ATG10: variants seen among roughly 807,000 people sequenced by gnomAD.
ATG10 encodes autophagy related 10, also known as ubiquitin-like-conjugating enzyme ATG10.
In ATG10, 30 loss-of-function variants were observed where a neutral mutation model predicts 32.1. The observed-to-expected ratio is 0.94, with a 90% CI of 0.70 to 1.27. The LOEUF is 1.27. ATG10 is among the 50% of genes most tolerant of loss of function. ATG10 has a pLI of 0.00. For synonymous variants in ATG10, 87 were observed against 91.5 expected, an observed-to-expected ratio of 0.95 and a Z score of 0.28; for missense variants, 233 against 262.3, an observed-to-expected ratio of 0.89 and a Z score of 0.77.
intron 5 of ATG10, among the ~76,000 whole-genome samples, chr5:82,233,442 C>T (rs73768648): frequency 0.024 from 3,596 of 152,236 alleles, 131 homozygotes; most frequent in African/African-American, 0.081. Flanking sequence ...ATTGTTCCTT[C>T]GTTTATATTA....
chr5:82,231,767 T>G (rs905018986), intron 5 of ATG10, among the ~76,000 whole-genome samples: 3 of 152,148 alleles, frequency 2.0e-5, no homozygotes, highest in African/African-American at 7.2e-5. Context: ...GGAAATCTGC[T>G]TCTGGGTATA....
intron 2 of ATG10, among the ~76,000 whole-genome samples, chr5:82,007,521 C>T (rs531946424): frequency 3.3e-5 from 5 of 152,252 alleles, no homozygotes; most frequent in East Asian, 3.9e-4. Flanking sequence ...AGTGCAATTT[C>T]GGTTCACTGC....
chr5:82,026,473 T>C (rs954175808), intron 2 of ATG10, among the ~76,000 whole-genome samples: 21 of 152,208 alleles, frequency 1.4e-4, no homozygotes, highest in African/African-American at 5.1e-4. Context: ...TTTCCTATTA[T>C]TATTTTATAG....
At chr5:82,234,877 C>T (rs1441891621) in intron 5 of ATG10, among the ~76,000 whole-genome samples, 1 of 152,180 alleles carries the variant, frequency 6.6e-6, no homozygotes, top group Non-Finnish European at 1.5e-5. Flanking sequence ...TTCCTGCATT[C>T]TTTTTTGACA....
At position 82,242,870 on chromosome 5, in the gene ATG10, A is replaced by G. The variant is rs774887564; in HGVS notation, c.454-9692A>G. 7 of 447,388 alleles carry G rather than the reference A, an allele frequency of 1.6e-5. 1 individual carries two copies. The highest frequency in any genetic ancestry group is 1.1e-4 in the South Asian group (7 of 61,950). 27.7% of individuals were successfully genotyped at this position (447,388 alleles called of 1,614,324 possible). A position where few individuals can be genotyped will look rare whatever the true frequency, so the allele number is the denominator to read the frequency against. On this transcript the variant is annotated intron_variant, in intron 5 of 7. Coordinates refer to ENST00000282185, the MANE Select transcript of ATG10 (RefSeq NM_031482.5). ...ATTATCCCAGAATGAATGCTGACAC[A>G]TAGGGAAAAATGGTAAGCAAAAAGA...
chr5:82,056,429 G>GTTTT lies in ATG10; in HGVS notation c.109-2049_109-2046dup, dbSNP rs375167558. On this transcript the variant is annotated intron_variant, in intron 2 of 7. Coordinates refer to ENST00000282185, the MANE Select transcript of ATG10 (RefSeq NM_031482.5). ...CGTTTAATTACATGATGGCTGCCAG[G>GTTTT]TTTTTTTTTTTTTTTTTTTTGTGGT... Among the ~76,000 whole-genome samples, 48 of 125,382 alleles carry GTTTT rather than the reference G, an allele frequency of 3.8e-4. 1 individual carries two copies. Among genetic ancestry groups the GTTTT allele is most frequent in the African/African-American group, 4.2e-4 (14 of 33,308 alleles). 82.3% of individuals were successfully genotyped at this position (125,382 alleles called of 152,430 possible).
intron 5 of ATG10, among the ~76,000 whole-genome samples, chr5:82,188,391 T>C (rs887504810): frequency 3.3e-5 from 5 of 152,200 alleles, no homozygotes; most frequent in African/African-American, 1.2e-4. Context: ...CAGCATTTCA[T>C]TGATCCCTGG....
chr5:82,036,156 T>A (rs1400109479), intron 2 of ATG10, among the ~76,000 whole-genome samples: 2 of 152,172 alleles, frequency 1.3e-5, no homozygotes, highest in Non-Finnish European at 2.9e-5. Flanking sequence ...TCATACTGAT[T>A]ACTGACCCAT....
At position 82,194,449 on chromosome 5, in the gene ATG10, T is replaced by G. The variant is rs979132964; in HGVS notation, c.453+15862T>G. Among the ~76,000 whole-genome samples, 5 of 152,300 alleles carry G rather than the reference T, an allele frequency of 3.3e-5. No individual in the cohort carries two copies. The East Asian group carries it at 5.8e-4, about 18-fold the overall frequency. On this transcript the variant is annotated intron_variant, in intron 5 of 7. Transcript: ENST00000282185. ...GACTTGGGTTTGGACAAAGGGAATTTTAGTATTAAGATATGAACTTAAATA... is the reference window on the plus strand; with the variant it reads ...GACTTGGGTTTGGACAAAGGGAATTGTAGTATTAAGATATGAACTTAAATA...
At chr5:82,206,478 T>G (rs1026332734) in intron 5 of ATG10, among the ~76,000 whole-genome samples, 4 of 151,878 alleles carry the variant, frequency 2.6e-5, no homozygotes, top group Non-Finnish European at 5.9e-5. Flanking sequence ...AAACCCCGTC[T>G]CTACTTAAAA....
intron 3 of ATG10, among the ~76,000 whole-genome samples, chr5:82,061,774 G>A (rs1763783212): frequency 1.3e-5 from 1 of 76,070 alleles, no homozygotes; most frequent in East Asian, 2.0e-3. Flanking sequence ...ATATATACAT[G>A]TACACATATA....
intron 3 of ATG10, among the ~76,000 whole-genome samples, chr5:82,151,758 T>A (rs1767605294): frequency 6.6e-6 from 1 of 152,208 alleles, no homozygotes; most frequent in African/African-American, 2.4e-5. Context: ...TGATGACCCT[T>A]AACCTGTGTG....
At chr5:82,118,282 G>A (rs923218853) in intron 3 of ATG10, among the ~76,000 whole-genome samples, 2 of 147,116 alleles carry the variant, frequency 1.4e-5, no homozygotes, top group Non-Finnish European at 3.0e-5. Context: ...AACCCCACAA[G>A]AGCAGAGTGT....
At chr5:81,982,074 A>G (rs1761063537) in intron 1 of ATG10, among the ~76,000 whole-genome samples, 1 of 152,252 alleles carries the variant, frequency 6.6e-6, no homozygotes, top group Non-Finnish European at 1.5e-5. Context: ...AAGCAGTTAG[A>G]AAAAGGTTTT....
intron 3 of ATG10, among the ~76,000 whole-genome samples, chr5:82,117,186 A>G (rs1765843339): frequency 6.6e-6 from 1 of 152,098 alleles, no homozygotes. Flanking sequence ...ACATGGAAGT[A>G]ATTATGATTG....
chr5:82,193,962 C>G (rs951580513), intron 5 of ATG10, among the ~76,000 whole-genome samples: 2 of 152,160 alleles, frequency 1.3e-5, no homozygotes, highest in Non-Finnish European at 2.9e-5. Flanking sequence ...GAAATGTTTT[C>G]CCTATTTATC....
chr5:82,063,496 T>C (rs1299155882), intron 3 of ATG10, among the ~76,000 whole-genome samples: 1 of 146,446 alleles, frequency 6.8e-6, no homozygotes, highest in Non-Finnish European at 1.5e-5. Flanking sequence ...TGCTAACAAT[T>C]TTTTTTTTTT....
chr5:82,077,420 A>G (rs1465422611), intron 3 of ATG10, among the ~76,000 whole-genome samples: 1 of 152,226 alleles, frequency 6.6e-6, no homozygotes, highest in Non-Finnish European at 1.5e-5. Flanking sequence ...TTTGAGCAGA[A>G]TCATGAATAA....
intron 2 of ATG10, among the ~76,000 whole-genome samples, chr5:81,997,050 G>A (rs1007110895): frequency 1.3e-5 from 2 of 152,176 alleles, no homozygotes; most frequent in African/African-American, 4.8e-5. Context: ...ATGGATGCCA[G>A]TGACCCTACC....
Sources: gnomAD v4.1 joint callset for allele counts (sites outside exome capture counted in the v4.1 genomes callset) on GRCh38, gnomAD v4.1.1 for gene constraint, MANE v1.5 for transcripts, NCBI Gene and HGNC (gene_info 2026-07-23, HGNC 2026-07-21) for gene names.